The following COL14A1 variants were observed in gnomAD, a reference collection of about 807,000 sequenced individuals.
The protein encoded by COL14A1 is collagen alpha-1(XIV) chain.
A neutral mutation model predicts 230.3 loss-of-function variants in COL14A1; 136 were observed. The observed-to-expected ratio is 0.59, with a 90% confidence interval of 0.51 to 0.68. The LOEUF (loss-of-function observed/expected upper bound fraction) is 0.68. Ranked by LOEUF, COL14A1 falls within the 30% of genes least tolerant of loss-of-function variation. The pLI is 0.00. For missense variants in COL14A1, 1,976 were observed against 2,215.8 expected, an observed-to-expected ratio of 0.89 and a Z score of 2.17; for synonymous variants, 792 against 784.1, an observed-to-expected ratio of 1.01 and a Z score of -0.17.
intron 39 of COL14A1, 100 bp from the exon 40 acceptor site, chr8:120,315,844 C>T (rs182734790): frequency 7.2e-5 from 88 of 1,219,934 alleles, no homozygotes; most frequent in Admixed American, 7.6e-5. Flanking sequence ...CCATTATGCT[C>T]TTAGGTTTGT....
At chr8:120,166,875 AGTGTGTGTGTGTGTGTGTGTGTGT>A (rs4053270) in intron 4 of COL14A1, among the ~76,000 whole-genome samples, 38 of 117,064 alleles carry the variant, frequency 3.2e-4, no homozygotes, top group Admixed American at 1.7e-3. Flanking sequence ...AAAGAATTTA[AGTGTGTGTGTGTGTGTGTGTGTGT>A]GTGTGTGTGT....
Position 120,227,274 on chromosome 8 carries a change from A to G in COL14A1, c.2059A>G (p.Thr687Ala), listed in dbSNP as rs764289149. The change falls in exon 17 of 48, where the codon ACG (threonine) becomes GCG (alanine). Residue 687 changes from threonine (T) to alanine (A), a missense_variant. Around this residue, in one of 3 missense-constraint regions of COL14A1, gnomAD observed 1,791 missense variants for 2,019.5 expected, o/e 0.89. Transcript: ENST00000297848. ...TGTTATTGAAGGCCTGGAGCCCGGT[A>G]CGGAGTATGAAGTTTCACTATTGGC... ...SHVIEGLEPG[T>A]EYEVSLLAVL... 3.7e-6 allele frequency: 6 copies of G among 1,614,114 alleles called. No individual in the cohort carries two copies. The highest frequency in any genetic ancestry group is 5.1e-6 in the Non-Finnish European group (6 of 1,180,002).
At chr8:120,257,502 A>G (rs1315580325) in intron 23 of COL14A1, among the ~76,000 whole-genome samples, 1 of 152,188 alleles carries the variant, frequency 6.6e-6, no homozygotes, top group Non-Finnish European at 1.5e-5. Context: ...AACTCATACA[A>G]ATTAGATCAA....
chr8:120,279,552 GAAA>G (rs34439316), intron 28 of COL14A1, among the ~76,000 whole-genome samples: 15 of 136,660 alleles, frequency 1.1e-4, no homozygotes, highest in Admixed American at 2.2e-4. Flanking sequence ...TTCTACTTCT[GAAA>G]AAAAAAAAAA....
intron 25 of COL14A1, among the ~76,000 whole-genome samples, chr8:120,269,128 A>AT (rs2129812490): frequency 6.6e-6 from 1 of 151,790 alleles, no homozygotes; most frequent in East Asian, 1.9e-4. Context: ...AGAAAGGCAC[A>AT]TTATCTCATA....
rs1033124949 is a variant in COL14A1 at position 120,227,161 on chromosome 8, C to G, written c.2005-59C>G. 4 of 1,585,538 alleles carry G rather than the reference C, an allele frequency of 2.5e-6. No homozygotes were observed. In the African/African-American group the frequency reaches 5.4e-5, roughly 21 times the overall value. On this transcript the variant is annotated intron_variant, in intron 16 of 47. Transcript: ENST00000297848. ...TTTCTTGCTTATGCTCAGAATAACA[C>G]TTTTTCTTTACTTTTTTTTCAAATA...
intron 45 of COL14A1, among the ~76,000 whole-genome samples, chr8:120,359,764 C>G (rs1485867415): frequency 6.6e-6 from 1 of 152,280 alleles, no homozygotes; most frequent in East Asian, 1.9e-4. Flanking sequence ...ATTCCTGATG[C>G]CTGATTTAAT....
chr8:120,163,908 C>G (rs923932908), intron 4 of COL14A1, among the ~76,000 whole-genome samples: 4 of 151,982 alleles, frequency 2.6e-5, no homozygotes, highest in Non-Finnish European at 5.9e-5. Flanking sequence ...TTTCTAGGCA[C>G]TTGGGCACAT....
chr8:120,197,085 G>A (rs912537174), intron 6 of COL14A1, 139 bp downstream of exon 6: 27 of 683,046 alleles, frequency 4.0e-5, no homozygotes, highest in Non-Finnish European at 6.4e-5. Context: ...GTACATGTTT[G>A]GATCAATAAA....
chr8:120,140,252 G>A (rs1051171156), intron 1 of COL14A1, among the ~76,000 whole-genome samples: 1 of 151,802 alleles, frequency 6.6e-6, no homozygotes, highest in African/African-American at 2.4e-5. Flanking sequence ...TATTTCATTC[G>A]GTTTTGCAAT....
chr8:120,353,941 T>C (rs571132948), intron 45 of COL14A1, among the ~76,000 whole-genome samples: 2,445 of 145,662 alleles, frequency 0.017, 78 homozygotes, highest in African/African-American at 0.059. Flanking sequence ...CACATGCACA[T>C]GTATGTTTAT....
At chr8:120,308,131 G>A (rs1294419051) in intron 36 of COL14A1, among the ~76,000 whole-genome samples, 1 of 152,158 alleles carries the variant, frequency 6.6e-6, no homozygotes, top group Non-Finnish European at 1.5e-5. Flanking sequence ...GCAGGCCTGT[G>A]CCACCACACT....
chr8:120,290,510 C>G (rs1448751830), intron 34 of COL14A1, among the ~76,000 whole-genome samples: 1 of 151,948 alleles, frequency 6.6e-6, no homozygotes, highest in African/African-American at 2.4e-5. Flanking sequence ...TTCTTGTAAA[C>G]AATCCCAACT....
chr8:120,334,334 C>T (rs1019411663), intron 42 of COL14A1, among the ~76,000 whole-genome samples: 1 of 152,080 alleles, frequency 6.6e-6, no homozygotes, highest in African/African-American at 2.4e-5. Context: ...TAAATGCTAT[C>T]CTTAGTAATC....
At chr8:120,290,856 T>C (rs1204133127) in intron 34 of COL14A1, among the ~76,000 whole-genome samples, 1 of 152,180 alleles carries the variant, frequency 6.6e-6, no homozygotes. Context: ...TCCCCTTATG[T>C]ATAGGGGGAC....
chr8:120,312,470 C>G (rs1433983410), intron 37 of COL14A1, among the ~76,000 whole-genome samples: 3 of 152,196 alleles, frequency 2.0e-5, no homozygotes, highest in Non-Finnish European at 4.4e-5. Context: ...CCTCCTTTGG[C>G]TGTTTCTATA....
chr8:120,315,819 G>C, intron 39 of COL14A1, 125 bp from the exon 40 acceptor site: 3 of 1,005,772 alleles, frequency 3.0e-6, no homozygotes, highest in South Asian at 1.5e-5. Flanking sequence ...TGAATTCTAG[G>C]TTACAAAGGG....
intron 26 of COL14A1, among the ~76,000 whole-genome samples, chr8:120,276,337 T>A (rs1819844237): frequency 3.3e-5 from 5 of 149,780 alleles, no homozygotes; most frequent in Admixed American, 2.0e-4. Context: ...CAGGGTGGTA[T>A]AATGGACTTG....
At chr8:120,244,549 C>T (rs1234115052) in intron 20 of COL14A1, among the ~76,000 whole-genome samples, 1 of 152,118 alleles carries the variant, frequency 6.6e-6, no homozygotes, top group Non-Finnish European at 1.5e-5. Context: ...CCACCCTTTC[C>T]CCTGGAGTCC....
Sources: allele counts gnomAD v4.1 joint callset (sites outside exome capture counted in the v4.1 genomes callset), GRCh38; gene constraint gnomAD v4.1.1; regional missense constraint gnomAD v4.1.1; transcripts MANE v1.5; gene names NCBI Gene and HGNC (gene_info 2026-07-23, HGNC 2026-07-21).